Variants in NDUFAF2 observed in about 807,000 individuals in gnomAD.
NDUFAF2 encodes NADH:ubiquinone oxidoreductase complex assembly factor 2.
In NDUFAF2, 13 loss-of-function variants were observed where a neutral mutation model predicts 22.8. The observed-to-expected ratio is 0.57, with a 90% CI of 0.37 to 0.91. The LOEUF (loss-of-function observed/expected upper bound fraction) is 0.91, where lower values mean the gene tolerates loss of function less well. Ranked by LOEUF, NDUFAF2 falls within the 40% of genes least tolerant of loss-of-function variation. The pLI, the probability that NDUFAF2 is intolerant of heterozygous loss-of-function variation, is 0.01. For synonymous variants in NDUFAF2, 53 were observed against 64.2 expected (o/e 0.83, Z 0.84); for missense variants, 162 against 195.2 (o/e 0.83, Z 1.01).
At chr5:61,048,541 T>G (rs964146358) in intron 1 of NDUFAF2, among the ~76,000 whole-genome samples, 1 of 152,084 alleles carries the variant, frequency 6.6e-6, no homozygotes, top group Non-Finnish European at 1.5e-5. Context: ...TGCCTAAGGT[T>G]GGGGATAATG....
chr5:60,971,628 A>G (rs924216695), intron 1 of NDUFAF2, among the ~76,000 whole-genome samples: 19 of 88,362 alleles, frequency 2.2e-4, no homozygotes, highest in African/African-American at 8.3e-4. Flanking sequence ...CAACCCCATG[A>G]CAGGCCCCGG....
chr5:61,098,340 C>T (rs1561564334), intron 2 of NDUFAF2, among the ~76,000 whole-genome samples: 1 of 152,194 alleles, frequency 6.6e-6, no homozygotes, highest in Non-Finnish European at 1.5e-5. Context: ...CTATACTATA[C>T]TGTCTTCCAT....
chr5:61,004,194 T>G (rs547273952), intron 1 of NDUFAF2, among the ~76,000 whole-genome samples: 2 of 152,232 alleles, frequency 1.3e-5, no homozygotes, highest in Middle Eastern at 3.4e-3. Context: ...TTATTTGTTT[T>G]TATTTTTTCT....
At chr5:61,109,506 G>A (rs1752808943) in intron 3 of NDUFAF2, among the ~76,000 whole-genome samples, 3 of 152,154 alleles carry the variant, frequency 2.0e-5, no homozygotes, top group Non-Finnish European at 2.9e-5. Context: ...AATAGTAAAA[G>A]TGGGAATTCT....
intron 1 of NDUFAF2, among the ~76,000 whole-genome samples, chr5:61,021,522 G>A (rs1453205615): frequency 3.3e-5 from 5 of 152,046 alleles, no homozygotes; most frequent in African/African-American, 1.2e-4. Context: ...AGTCATTTTT[G>A]CCATGTAAGG....
At chr5:61,056,538 G>A (rs1487401186) in intron 1 of NDUFAF2, among the ~76,000 whole-genome samples, 1 of 152,056 alleles carries the variant, frequency 6.6e-6, no homozygotes, top group Non-Finnish European at 1.5e-5. Flanking sequence ...AATTTTGTTA[G>A]TTATTAGCCA....
chr5:61,084,988 A>T (rs192228305), intron 2 of NDUFAF2, among the ~76,000 whole-genome samples: 1 of 152,262 alleles, frequency 6.6e-6, no homozygotes, highest in South Asian at 2.1e-4. Flanking sequence ...CTCATGGAAC[A>T]TTCACCAGGA....
At chr5:61,136,019 A>G (rs1302054673) in intron 3 of NDUFAF2, among the ~76,000 whole-genome samples, 1 of 30,648 alleles carries the variant, frequency 3.3e-5, no homozygotes, top group South Asian at 1.4e-3. Context: ...ATATATATAT[A>G]TATATATATA....
chr5:60,968,639 T>C (rs1294258591), intron 1 of NDUFAF2, among the ~76,000 whole-genome samples: 2 of 152,040 alleles, frequency 1.3e-5, no homozygotes, highest in African/African-American at 2.4e-5. Flanking sequence ...TATTTTGATA[T>C]AGCTGTGCAA....
chr5:61,001,268 T>A (rs1580088396), intron 1 of NDUFAF2, among the ~76,000 whole-genome samples: 1 of 152,140 alleles, frequency 6.6e-6, no homozygotes, highest in East Asian at 1.9e-4. Context: ...ACTTTTACTT[T>A]TAGGTTATAT....
intron 1 of NDUFAF2, among the ~76,000 whole-genome samples, chr5:60,990,158 G>A (rs771978485): frequency 6.6e-6 from 1 of 150,748 alleles, no homozygotes; most frequent in Non-Finnish European, 1.5e-5. Context: ...GTTAGGAAGG[G>A]TTCCGGGGAG....
intron 3 of NDUFAF2, among the ~76,000 whole-genome samples, chr5:61,127,126 A>G (rs1041268601): frequency 1.1e-4 from 16 of 152,276 alleles, no homozygotes; most frequent in South Asian, 4.1e-4. Context: ...ACAGGCTCTG[A>G]AATTGAGGCA....
chr5:61,056,027 T>G (rs1208015169), intron 1 of NDUFAF2, among the ~76,000 whole-genome samples: 2 of 152,192 alleles, frequency 1.3e-5, no homozygotes, highest in African/African-American at 4.8e-5. Flanking sequence ...TAACATAATA[T>G]TATTGACACG....
chr5:61,052,825 A>G (rs1752041806), intron 1 of NDUFAF2, among the ~76,000 whole-genome samples: 1 of 152,178 alleles, frequency 6.6e-6, no homozygotes, highest in South Asian at 2.1e-4. Context: ...TCTGGGGCGA[A>G]TATGATAGTG....
chr5:61,120,297 T>TA (rs1369936434), intron 3 of NDUFAF2, among the ~76,000 whole-genome samples: 2 of 152,186 alleles, frequency 1.3e-5, no homozygotes, highest in Non-Finnish European at 2.9e-5. Context: ...TCTGTACTCT[T>TA]ACCTGGTAAG....
At chr5:61,092,265 T>G (rs1236338569) in intron 2 of NDUFAF2, among the ~76,000 whole-genome samples, 1 of 152,214 alleles carries the variant, frequency 6.6e-6, no homozygotes, top group Non-Finnish European at 1.5e-5. Context: ...ACGTCAATGG[T>G]AATTTAATGG....
intron 1 of NDUFAF2, among the ~76,000 whole-genome samples, chr5:61,065,497 A>G (rs949505166): frequency 2.0e-5 from 3 of 152,244 alleles, no homozygotes; most frequent in Non-Finnish European, 4.4e-5. Flanking sequence ...TGTATACACC[A>G]GGACCAAGCA....
chr5:60,966,584 A>G (rs113790692), intron 1 of NDUFAF2, among the ~76,000 whole-genome samples: 83 of 152,286 alleles, frequency 5.5e-4, no homozygotes, highest in African/African-American at 1.9e-3. Context: ...GTGGATATCC[A>G]GTTTTCCAAA....
intron 1 of NDUFAF2, among the ~76,000 whole-genome samples, chr5:61,002,672 T>A (rs1217753152): frequency 6.6e-6 from 1 of 152,166 alleles, no homozygotes. Flanking sequence ...GCCAATATAA[T>A]ATATGCACTG....
Sources: gnomAD v4.1 joint callset for allele counts (sites outside exome capture counted in the v4.1 genomes callset) on GRCh38, gnomAD v4.1.1 for gene constraint, MANE v1.5 for transcripts, NCBI Gene and HGNC (gene_info 2026-07-23, HGNC 2026-07-21) for gene names.